Variants in AHNAK2 observed in about 807,000 individuals in gnomAD.
AHNAK2 encodes the protein AHNAK nucleoprotein 2, also known as protein AHNAK2.
Under a neutral mutation model 30.7 loss-of-function variants are expected in AHNAK2, and 18 were observed. The observed-to-expected ratio is 0.59, with a 90% CI of 0.41 to 0.87. AHNAK2 has a LOEUF of 0.87. AHNAK2 is among the 40% of genes least tolerant of loss of function. AHNAK2 has a pLI of 0.00. For synonymous variants in AHNAK2, 3,590 were observed against 3,073.8 expected (o/e 1.17, Z -5.56); for missense variants, 8,604 against 7,373.0 (o/e 1.17, Z -6.11).
intron 1 of AHNAK2, among the ~76,000 whole-genome samples, chr14:104,977,509 G>A (rs1307016441): frequency 1.3e-5 from 2 of 152,132 alleles, no homozygotes; most frequent in East Asian, 1.9e-4. Flanking sequence ...GGACCCTGTG[G>A]CCTGACTTTG....
At position 104,950,230 on chromosome 14, in the gene AHNAK2, G is replaced by C. The variant is rs772502646; in HGVS notation, c.5221C>G (p.Leu1741Val). The C allele has an allele frequency of 1.4e-5, 22 of 1,583,552 alleles. 3 individuals carry two copies. Among genetic ancestry groups the C allele is most frequent in the Non-Finnish European group, 1.9e-5 (22 of 1,161,890 alleles). ...AAACTGGGCATCTGCACCTTGGGGA[G>C]GTGCCCTTTGAAGCCGGCTCCCTCG... ...LPEGAGFKGH[L>V]PKVQMPSLKM... Residue 1741 changes from leucine (L) to valine (V), a missense_variant, in exon 7 of 7, where the codon CTC (leucine) becomes GTC (valine). Physicochemically the swap from Leu to Val is conservative, Grantham distance 32. Transcript: ENST00000333244.
Position 104,946,976 on chromosome 14 carries a change from C to A in AHNAK2, c.8475G>T (p.Val2825=), listed in dbSNP as rs764113392. The A allele has an allele frequency of 6.4e-5, 104 of 1,612,678 alleles. 1 individual carries two copies. In the Admixed American group the frequency reaches 1.7e-3, roughly 26 times the overall value. The change falls in exon 7 of 7, where the codon GTG becomes GTT. Residue 2825 remains valine, a synonymous_variant. Transcript: ENST00000333244. ...MPKFKMPSFG[V]SAPGKSIEAS... ...CCTCGATGGACTTGCCTGGGGCCGACACCCCGAATGACGGCATCTTGAACT... is the reference window on the plus strand; with the variant it reads ...CCTCGATGGACTTGCCTGGGGCCGAAACCCCGAATGACGGCATCTTGAACT...
chr14:104,939,393 C>A lies in AHNAK2; in HGVS notation c.16058G>T (p.Gly5353Val). The part of the protein sequence containing the change: ...KTEKWSSQPE[G>V]PLKLKASSTD... ...ACTTGAAGCTTTCAATTTAAGTGGACCTTCAGGCTGGGAAGACCATTTCTC... is the reference window on the plus strand; with the variant it reads ...ACTTGAAGCTTTCAATTTAAGTGGAACTTCAGGCTGGGAAGACCATTTCTC... Residue 5353 changes from glycine to valine, a missense_variant, in exon 7 of 7, where the codon GGT becomes GTT. Coordinates refer to ENST00000333244, the MANE Select transcript of AHNAK2 (RefSeq NM_138420.4). 1 of 1,613,632 alleles carries A rather than the reference C, an allele frequency of 6.2e-7. No homozygotes were observed. The highest frequency in any genetic ancestry group is 8.5e-7 in the Non-Finnish European group (1 of 1,179,888).
In AHNAK2 at chr14:104,953,492, A is replaced by G. The variant is rs1188020367; in HGVS notation, c.1959T>C (p.Asp653=). ...TNTTKIQLIH[D]EKRLKKEQIL... ...TTTGTTCCTTTTTTAAGCGTTTTTC[A>G]TCGTGTATTAGTTGTATTTTTGTTG... is the stretch of plus-strand genomic sequence containing the variant. The change falls in exon 7 of 7, where the codon GAT becomes GAC. Residue 653 remains aspartate (D), a synonymous_variant. Coordinates refer to ENST00000333244, the MANE Select transcript of AHNAK2 (RefSeq NM_138420.4). 2 of 1,613,624 alleles carry G rather than the reference A, an allele frequency of 1.2e-6. No homozygotes were observed. The highest frequency in any genetic ancestry group is 1.7e-6 in the Non-Finnish European group (2 of 1,179,828).
In AHNAK2 at chr14:104,955,040, T is replaced by C; in HGVS notation, c.568A>G (p.Ile190Val). 3.1e-6 allele frequency: 5 copies of C among 1,613,716 alleles called. No individual in the cohort carries two copies. The highest frequency in any genetic ancestry group is 2.5e-6 in the Non-Finnish European group (3 of 1,179,888). ...YSEPYKVQFK[I>V]RRQLPAPQDE... ...TGTGGGGCAGGGAGCTGCCGTCTGA[T>C]TTTGAACTGAACCTTGTACGGCTCT... Residue 190 changes from isoleucine to valine, a missense_variant, in exon 6 of 7, where the codon ATC becomes GTC. Coordinates refer to ENST00000333244, the MANE Select transcript of AHNAK2 (RefSeq NM_138420.4).
rs368757389 is a variant in AHNAK2, at chr14:104,947,643, G to A, written c.7808C>T (p.Thr2603Ile). The A allele has an allele frequency of 8.1e-6, 13 of 1,612,362 alleles. No homozygotes were observed. The African/African-American group carries it at 9.4e-5, about 12-fold the overall frequency. Residue 2603 changes from threonine to isoleucine, a missense_variant, in exon 7 of 7, where the codon ACA (threonine) becomes ATA (isoleucine). Coordinates refer to ENST00000333244, the MANE Select transcript of AHNAK2 (RefSeq NM_138420.4). ...CAGAGACATCTCCACATCGGGGGCT[G>A]TCACTTCCGCCTTGGGGCCTTTCAG... ...LDLKGPKAEV[T>I]APDVEMSLSS...
rs199765410 is a variant in AHNAK2, at chr14:104,944,347, T to C, written c.11104A>G (p.Met3702Val). 48 of 1,609,438 alleles carry C rather than the reference T, an allele frequency of 3.0e-5. No individual in the cohort carries two copies. In the East Asian group the frequency reaches 7.6e-4, roughly 26 times the overall value. ...TGGCCCTCCGGGAGCTTCACATCCA[T>C]CTGGCCAGCCTGGACCTTCAGGTCG... ...SADLKVQAGQ[M>V]DVKLPEGQVP... is the part of the protein sequence containing the mutation. The change falls in exon 7 of 7, where the codon ATG becomes GTG. Residue 3702 changes from methionine (M) to valine (V), a missense_variant. Physicochemically the swap from Met to Val is conservative, Grantham distance 21. Coordinates refer to ENST00000333244, the MANE Select transcript of AHNAK2 (RefSeq NM_138420.4).
chr14:104,946,652 C>G lies in AHNAK2; in HGVS notation c.8799G>C (p.Thr2933=), dbSNP rs767547450. Residue 2933 remains threonine, a synonymous_variant, in exon 7 of 7, where the codon ACG becomes ACC. Transcript: ENST00000333244. ...LDLKGPKAEV[T]APDVEVSLPS... Reference sequence around the variant, plus strand: ...GCAGAGACACCTCCACGTCGGGGGCCGTCACCTCCGCCTTGGGGCCTTTCA... The same window carrying G: ...GCAGAGACACCTCCACGTCGGGGGCGGTCACCTCCGCCTTGGGGCCTTTCA... 6.8e-6 allele frequency: 11 copies of G among 1,611,830 alleles called. No homozygotes were observed. Among genetic ancestry groups the G allele is most frequent in the Middle Eastern group, 3.3e-4 (2 of 6,068 alleles).
rs368420473 is a variant in AHNAK2 at position 104,948,794 on chromosome 14, C to G, written c.6657G>C (p.Val2219=). 5 of 1,612,290 alleles carry G rather than the reference C, an allele frequency of 3.1e-6. No homozygotes were observed. The African/African-American group carries it at 6.8e-5, about 22-fold the overall frequency. ...CGGGCACAGGGCCCTCCAGGAGTTT[C>G]ACGTCCACCTGGCCAGCCTGGACCT... The part of the protein sequence containing the change: ...DVKVQAGQVD[V]KLLEGPVPEE... The change falls in exon 7 of 7, where the codon GTG becomes GTC. Residue 2219 remains valine (V), a synonymous_variant. Coordinates refer to ENST00000333244, the MANE Select transcript of AHNAK2 (RefSeq NM_138420.4).
At chr14:104,967,149 TG>T (rs1899328109) in intron 1 of AHNAK2, among the ~76,000 whole-genome samples, 2 of 152,096 alleles carry the variant, frequency 1.3e-5, no homozygotes, top group African/African-American at 4.8e-5. Context: ...GCACTCAGGG[TG>T]GGGCAGGTGT....
At position 104,950,718 on chromosome 14, in the gene AHNAK2, T is replaced by G. The variant is rs1898643631; in HGVS notation, c.4733A>C (p.Lys1578Thr). Residue 1578 changes from lysine to threonine, a missense_variant, in exon 7 of 7, where the codon AAA (lysine) becomes ACA (threonine). Physicochemically the swap from Lys to Thr is moderately conservative, Grantham distance 78 (BLOSUM62 -1). Transcript: ENST00000333244. The part of the protein sequence containing the change: ...EGAGLKGHLP[K>T]VQMPSFKMPK... The stretch of plus-strand genomic sequence containing the variant: ...CATCTTGAAACTGGGCATCTGCACT[T>G]TGGGCAGGTGCCCTTTGAGGCCGGC... The G allele has an allele frequency of 6.3e-7, 1 of 1,588,056 alleles. No homozygotes were observed. The highest frequency in any genetic ancestry group is 1.4e-5 in the African/African-American group (1 of 73,748).
At chr14:104,973,927 T>G (rs1277153998) in intron 1 of AHNAK2, among the ~76,000 whole-genome samples, 2 of 152,166 alleles carry the variant, frequency 1.3e-5, no homozygotes, top group Non-Finnish European at 2.9e-5. Context: ...AACCTCTGCC[T>G]GGCCTCTGTG....
At position 104,945,923 on chromosome 14, in the gene AHNAK2, G is replaced by C. The variant is rs11160826; in HGVS notation, c.9528C>G (p.Asp3176Glu). 181,248 of 1,245,366 alleles carry C rather than the reference G, an allele frequency of 0.15. 60,075 individuals carry two copies. The highest frequency in any genetic ancestry group is 0.52 in the African/African-American group (36,319 of 69,366). 77.1% of individuals were successfully genotyped at this position (1,245,366 alleles called of 1,614,324 possible). A position where few individuals can be genotyped will look rare whatever the true frequency, so the allele number is the denominator to read the frequency against. Residue 3176 changes from aspartate (D) to glutamate (E), a missense_variant, in exon 7 of 7, where the codon GAC (aspartate) becomes GAG (glutamate). Physicochemically the swap from Asp to Glu is conservative, Grantham distance 45. Coordinates refer to ENST00000333244, the MANE Select transcript of AHNAK2 (RefSeq NM_138420.4). ...CCCCCTGCATGGAGGGGAGGCTCAG[G>C]TCGGCCTCCACCTTTGGCGCAGACA... ...VDVSAPKVEA[D>E]LSLPSMQGDL...
chr14:104,975,488 G>A (rs547850666), intron 1 of AHNAK2, among the ~76,000 whole-genome samples: 1 of 152,224 alleles, frequency 6.6e-6, no homozygotes, highest in East Asian at 1.9e-4. Flanking sequence ...GCCCTCTGCT[G>A]CCTCCTCCTC....
Position 104,950,319 on chromosome 14 carries a change from G to A in AHNAK2, c.5132C>T (p.Pro1711Leu), listed in dbSNP as rs11852016. 8.8e-5 allele frequency: 140 copies of A among 1,584,860 alleles called. 12 individuals carry two copies. In the African/African-American group the frequency reaches 1.7e-3, roughly 19 times the overall value. Residue 1711 changes from proline to leucine, a missense_variant, in exon 7 of 7, where the codon CCT (proline) becomes CTT (leucine). Transcript: ENST00000333244. ...LKTTDLSIQS[P>L]SADLEVQAGQ... ...AGCCTGGACCTCCAGGTCGGCGGAA[G>A]GGGACTGAATGCTGAGGTCAGTGGT...
chr14:104,953,398 A>G lies in AHNAK2; in HGVS notation c.2053T>C (p.Phe685Leu). 6.2e-7 allele frequency: 1 copy of G among 1,613,868 alleles called. No homozygotes were observed. The change falls in exon 7 of 7, where the codon TTC becomes CTC. Residue 685 changes from phenylalanine (F) to leucine (L), a missense_variant. Phe to Leu is a conservative substitution (Grantham distance 22). Transcript: ENST00000333244. Reference protein sequence around the residue: ...FKMPKFKMPLFGASAPGKSME... With the variant: ...FKMPKFKMPLLGASAPGKSME... Reference sequence around the variant, plus strand: ...GACTTGCCTGGGGCTGACGCCCCGAACAATGGCATCTTGAACTTGGGCATT... The same window carrying G: ...GACTTGCCTGGGGCTGACGCCCCGAGCAATGGCATCTTGAACTTGGGCATT...
chr14:104,942,470 C>G lies in AHNAK2; in HGVS notation c.12981G>C (p.Lys4327Asn). The G allele has an allele frequency of 6.2e-7, 1 of 1,612,972 alleles. No homozygotes were observed. The highest frequency in any genetic ancestry group is 2.2e-5 in the East Asian group (1 of 44,742). The change falls in exon 7 of 7, where the codon AAG becomes AAC. Residue 4327 changes from lysine to asparagine, a missense_variant. Physicochemically the swap from Lys to Asn is moderately conservative, Grantham distance 94. Transcript: ENST00000333244. ...AGGGGAGGCTCACGTCAGCCTCCACCTTCAGCGCAGACACATCCAACGAGG... is the reference window on the plus strand; with the variant it reads ...AGGGGAGGCTCACGTCAGCCTCCACGTTCAGCGCAGACACATCCAACGAGG... ...IEASLDVSAL[K>N]VEADVSLPSM...
At chr14:104,967,192 C>T (rs577562899) in intron 1 of AHNAK2, among the ~76,000 whole-genome samples, 3 of 152,348 alleles carry the variant, frequency 2.0e-5, no homozygotes, top group African/African-American at 7.2e-5. Context: ...AGCCGCCTCC[C>T]CGTCCCTCCG....
Position 104,945,048 on chromosome 14 carries a change from G to A in AHNAK2, c.10403C>T (p.Ala3468Val). The change falls in exon 7 of 7, where the codon GCC becomes GTC. Residue 3468 changes from alanine (A) to valine (V), a missense_variant. Coordinates refer to ENST00000333244, the MANE Select transcript of AHNAK2 (RefSeq NM_138420.4). ...DLSLAEKDVT[A>V]KDSKFKMPKF... ...GGGCATTTTGAACTTGCTGTCTTTGGCAGTCACATCCTTTTCAGCCAGGGA... is the reference window on the plus strand; with the variant it reads ...GGGCATTTTGAACTTGCTGTCTTTGACAGTCACATCCTTTTCAGCCAGGGA... The A allele has an allele frequency of 1.2e-6, 2 of 1,613,104 alleles. No individual in the cohort carries two copies. The highest frequency in any genetic ancestry group is 1.7e-6 in the Non-Finnish European group (2 of 1,179,668).
Sources: gnomAD v4.1 joint callset for allele counts (sites outside exome capture counted in the v4.1 genomes callset) on GRCh38, gnomAD v4.1.1 for gene constraint, MANE v1.5 for transcripts, NCBI Gene and HGNC (gene_info 2026-07-23, HGNC 2026-07-21) for gene names.